The following TGM6 variants were observed in gnomAD, a reference collection of about 807,000 sequenced individuals.
TGM6 encodes the protein transglutaminase 6.
A neutral mutation model predicts 77.5 loss-of-function variants in TGM6; 74 were observed. That is an observed-to-expected ratio of 0.96 (90% CI 0.79 to 1.16). TGM6 has a LOEUF of 1.16. Among genes scored for constraint, TGM6 ranks in the 50% most tolerant of loss-of-function variants. The probability of loss-of-function intolerance (pLI) is 0.00; values close to 1 mark genes in which losing one functional copy is unlikely to be tolerated. For synonymous variants in TGM6, 383 were observed against 378.9 expected, an observed-to-expected ratio of 1.01 and a Z score of -0.12; for missense variants, 968 against 940.2, an observed-to-expected ratio of 1.03 and a Z score of -0.39.
intron 9 of TGM6, among the ~76,000 whole-genome samples, chr20:2,407,970 G>A (rs1168389374): frequency 6.6e-6 from 1 of 152,184 alleles, no homozygotes; most frequent in Non-Finnish European, 1.5e-5. Flanking sequence ...AGAGGCTAAA[G>A]GAACAAAGAG....
rs1340944101 is a variant in TGM6, at chr20:2,425,856, T to C, written c.1679-4590T>C. 2.0e-5 allele frequency among the ~76,000 whole-genome samples: 3 copies of C among 152,340 alleles called. No homozygotes were observed. In the East Asian group the frequency reaches 5.8e-4, roughly 29 times the overall value. The stretch of plus-strand genomic sequence containing the variant: ...TACATTTATCTGTATCTTTTCTTCG[T>C]GTTCGAAACTATACAATTTATTCTA... On this transcript the variant is annotated intron_variant, in intron 10 of 12. Coordinates refer to ENST00000202625, the MANE Select transcript of TGM6 (RefSeq NM_198994.3).
intron 10 of TGM6, among the ~76,000 whole-genome samples, chr20:2,421,333 C>T (rs1237637461): frequency 6.6e-6 from 1 of 152,168 alleles, no homozygotes; most frequent in African/African-American, 2.4e-5. Context: ...CTTGCTGCAC[C>T]TTATGGTAAG....
intron 9 of TGM6, among the ~76,000 whole-genome samples, chr20:2,406,169 A>G (rs1340256707): frequency 1.3e-5 from 2 of 152,062 alleles, no homozygotes; most frequent in Non-Finnish European, 2.9e-5. Flanking sequence ...TGTCTTGGGG[A>G]TGGGCTATGG....
At chr20:2,395,576 A>G in intron 3 of TGM6, 140 bp downstream of exon 3, 1 of 1,494,370 alleles carries the variant, frequency 6.7e-7, no homozygotes, top group Non-Finnish European at 9.2e-7. Flanking sequence ...TAGCCTAGGC[A>G]GAGGTAGGCA....
intron 10 of TGM6, among the ~76,000 whole-genome samples, chr20:2,427,506 A>C (rs1268275073): frequency 3.3e-5 from 5 of 151,878 alleles, no homozygotes; most frequent in African/African-American, 1.2e-4. Flanking sequence ...GGTTTTGGTG[A>C]TTTTCTCTAT....
chr20:2,419,400 T>A (rs935387761), intron 10 of TGM6, among the ~76,000 whole-genome samples: 1 of 152,224 alleles, frequency 6.6e-6, no homozygotes, highest in South Asian at 2.1e-4. Context: ...TTTAGCTTTT[T>A]TTGTCATTTA....
At chr20:2,412,118 G>T (rs967172083) in intron 9 of TGM6, among the ~76,000 whole-genome samples, 13 of 151,696 alleles carry the variant, frequency 8.6e-5, no homozygotes, top group African/African-American at 2.4e-4. Context: ...AACAAAATGT[G>T]GTATATACAT....
intron 9 of TGM6, among the ~76,000 whole-genome samples, chr20:2,406,831 CAAAAAAAAAAAAAAAAAAAAAA>C (rs3050731): frequency 1.7e-4 from 11 of 63,710 alleles, no homozygotes; most frequent in Admixed American, 5.9e-4. Context: ...CGAAACTCCT[CAAAAAAAAAAAAAAAAAAAAAA>C]AAAAAAAAAA....
chr20:2,382,705 C>T (rs2084564609), intron 1 of TGM6, among the ~76,000 whole-genome samples: 1 of 152,188 alleles, frequency 6.6e-6, no homozygotes, highest in African/African-American at 2.4e-5. Flanking sequence ...ACCACACACT[C>T]TGTGCCTGAA....
intron 12 of TGM6, among the ~76,000 whole-genome samples, chr20:2,432,251 T>C (rs2084928511): frequency 6.6e-6 from 1 of 152,124 alleles, no homozygotes; most frequent in Non-Finnish European, 1.5e-5. Flanking sequence ...TTTCACCACG[T>C]TGGCCAGGCT....
At chr20:2,404,182 G>A (rs1039363444) in intron 9 of TGM6, among the ~76,000 whole-genome samples, 1 of 152,170 alleles carries the variant, frequency 6.6e-6, no homozygotes, top group African/African-American at 2.4e-5. Context: ...TGAACACCTA[G>A]GACAAACGCA....
rs1415568310 is a variant in TGM6, at chr20:2,432,688, C to T, written c.*45C>T. 3 of 1,613,616 alleles carry T rather than the reference C, an allele frequency of 1.9e-6. No homozygotes were observed. The highest frequency in any genetic ancestry group is 2.5e-6 in the Non-Finnish European group (3 of 1,179,698). ...AGGGGTGGATTTGGCCCCTGTCCTC[C>T]TCCTGCCCATTCTTTGTCTCTTCCA... On this transcript the variant is annotated 3_prime_UTR_variant, in exon 13 of 13. Coordinates refer to ENST00000202625, the MANE Select transcript of TGM6 (RefSeq NM_198994.3).
In TGM6 at chr20:2,417,559, TG is replaced by T; in HGVS notation, c.1668del (p.Pro557ArgfsTer20). The T allele has an allele frequency of 1.2e-6, 2 of 1,601,872 alleles. No individual in the cohort carries two copies. Among genetic ancestry groups the T allele is most frequent in the Non-Finnish European group, 8.5e-7 (1 of 1,179,672 alleles). On this transcript the variant is annotated frameshift_variant, in exon 10 of 13. Coordinates refer to ENST00000202625, the MANE Select transcript of TGM6 (RefSeq NM_198994.3). LOFTEE classifies it high-confidence loss of function. ...CTGCATGAATCCCACGCCGTGAGGCTGGGGCCGCAAGAAGGTAAGTGTACGC... is the reference window on the plus strand; with the variant it reads ...CTGCATGAATCCCACGCCGTGAGGCTGGGCCGCAAGAAGGTAAGTGTACGC... ...EILHESHAVRLGPQEEKRIPI... is the reference protein window; with the variant it reads ...EILHESHAVRXGPQEEKRIPI...
rs554488337 is a variant in TGM6, at chr20:2,402,243, A to G, written c.990-1154A>G. 8.5e-5 allele frequency among the ~76,000 whole-genome samples: 13 copies of G among 152,108 alleles called. No homozygotes were observed. The East Asian group carries it at 2.5e-3, about 29-fold the overall frequency. On this transcript the variant is annotated intron_variant, in intron 7 of 12. Coordinates refer to ENST00000202625, the MANE Select transcript of TGM6 (RefSeq NM_198994.3). ...GGTGACAGAGCAAGACTCTATCTCA[A>G]AATAAATAAATAAATAAAAATTAAA...
At chr20:2,401,124 G>T (rs1022202090) in intron 7 of TGM6, among the ~76,000 whole-genome samples, 4 of 151,738 alleles carry the variant, frequency 2.6e-5, no homozygotes, top group African/African-American at 9.7e-5. Flanking sequence ...AGAATCGCTT[G>T]AACCTGGAAG....
At chr20:2,407,790 T>A (rs2084761864) in intron 9 of TGM6, among the ~76,000 whole-genome samples, 1 of 152,162 alleles carries the variant, frequency 6.6e-6, no homozygotes. Flanking sequence ...GGCCTTGGTG[T>A]GCCATACAGC....
At chr20:2,430,785 G>A (rs1395698562) in intron 11 of TGM6, 109 bp from the exon 12 acceptor site, 1 of 1,602,574 alleles carries the variant, frequency 6.2e-7, no homozygotes, top group Admixed American at 1.7e-5. Flanking sequence ...GGTATATGGA[G>A]GTGGGGGTGG....
At chr20:2,405,185 T>G (rs2084741194) in intron 9 of TGM6, among the ~76,000 whole-genome samples, 1 of 152,166 alleles carries the variant, frequency 6.6e-6, no homozygotes, top group African/African-American at 2.4e-5. Flanking sequence ...CTTTTCTGAA[T>G]AGCAGCAACA....
chr20:2,385,993 T>A (rs996950978), intron 1 of TGM6, among the ~76,000 whole-genome samples: 1 of 152,140 alleles, frequency 6.6e-6, no homozygotes, highest in Admixed American at 6.5e-5. Context: ...GACAGAAGCC[T>A]CCGTCTTAAA....
Sources: allele counts gnomAD v4.1 joint callset (sites outside exome capture counted in the v4.1 genomes callset), GRCh38; gene constraint gnomAD v4.1.1; transcripts MANE v1.5; gene names NCBI Gene and HGNC (gene_info 2026-07-23, HGNC 2026-07-21).